PHACTR3: variants seen among roughly 807,000 people sequenced by gnomAD.
PHACTR3 encodes protein phosphatase 1, regulatory subunit 123.
In PHACTR3, 16 loss-of-function variants were observed where a neutral mutation model predicts 66.8. That is an observed-to-expected ratio of 0.24 (90% CI 0.16 to 0.36). The LOEUF (loss-of-function observed/expected upper bound fraction) is 0.36, where lower values mean the gene tolerates loss of function less well. Ranked by LOEUF, PHACTR3 falls within the 10% of genes least tolerant of loss-of-function variation. PHACTR3 has a pLI of 1.00. For missense variants in PHACTR3, 647 were observed against 719.9 expected (o/e 0.90, Z 1.16); for synonymous variants, 323 against 292.1 (o/e 1.11, Z -1.08).
At chr20:59,632,121 T>G (rs1221131413) in intron 1 of PHACTR3, among the ~76,000 whole-genome samples, 1 of 152,188 alleles carries the variant, frequency 6.6e-6, no homozygotes, top group African/African-American at 2.4e-5. Flanking sequence ...CCACATGCCC[T>G]TCATAGGCCA....
chr20:59,650,924 A>T (rs1048672922), intron 1 of PHACTR3, among the ~76,000 whole-genome samples: 2 of 152,008 alleles, frequency 1.3e-5, no homozygotes, highest in African/African-American at 4.8e-5. Context: ...CTTACATTTG[A>T]TCTATAATGT....
intron 1 of PHACTR3, among the ~76,000 whole-genome samples, chr20:59,682,036 G>GA (rs1363707520): frequency 2.0e-5 from 3 of 149,270 alleles, no homozygotes; most frequent in Admixed American, 1.3e-4. Flanking sequence ...AAGAAAGAAA[G>GA]AAAAAAATAA....
intron 1 of PHACTR3, among the ~76,000 whole-genome samples, chr20:59,618,414 C>T (rs181813648): frequency 2.0e-5 from 3 of 152,284 alleles, no homozygotes; most frequent in African/African-American, 7.2e-5. Context: ...CTGGCCACCC[C>T]GGGTGGAAAT....
chr20:59,668,509 T>C (rs1459203061), intron 1 of PHACTR3, among the ~76,000 whole-genome samples: 1 of 152,154 alleles, frequency 6.6e-6, no homozygotes, highest in East Asian at 1.9e-4. Flanking sequence ...AGCTCCTTGC[T>C]CAGATGTCAT....
chr20:59,632,051 A>G (rs2034684368), intron 1 of PHACTR3, among the ~76,000 whole-genome samples: 1 of 152,140 alleles, frequency 6.6e-6, no homozygotes, highest in Non-Finnish European at 1.5e-5. Flanking sequence ...CTTGTGGTGT[A>G]CGGGACGTGT....
At chr20:59,767,429 C>A in intron 5 of PHACTR3, 34 bp downstream of exon 5, 1 of 1,590,412 alleles carries the variant, frequency 6.3e-7, no homozygotes, top group Non-Finnish European at 8.6e-7. Context: ...ATTCTATTTC[C>A]TTTCTCTGCC....
At chr20:59,811,330 T>C (rs1225244694) in intron 8 of PHACTR3, among the ~76,000 whole-genome samples, 1 of 152,196 alleles carries the variant, frequency 6.6e-6, no homozygotes, top group Non-Finnish European at 1.5e-5. Flanking sequence ...GCACCAGGTG[T>C]CTCGGGCAAA....
intron 3 of PHACTR3, among the ~76,000 whole-genome samples, chr20:59,753,380 T>C (rs945692718): frequency 6.6e-6 from 1 of 152,282 alleles, no homozygotes; most frequent in African/African-American, 2.4e-5. Context: ...AGAGGGAATA[T>C]GATCAGCAGC....
At chr20:59,815,730 C>T (rs1001064856) in intron 8 of PHACTR3, among the ~76,000 whole-genome samples, 2 of 152,138 alleles carry the variant, frequency 1.3e-5, no homozygotes, top group African/African-American at 2.4e-5. Context: ...GCTTGGGTTT[C>T]CTGTTTTATA....
At chr20:59,735,688 G>T (rs1277772280) in intron 1 of PHACTR3, among the ~76,000 whole-genome samples, 2 of 152,130 alleles carry the variant, frequency 1.3e-5, no homozygotes, top group Admixed American at 6.5e-5. Context: ...GTTTATTTGG[G>T]CAGCCCCTGG....
chr20:59,787,400 G>A (rs2040949801), intron 7 of PHACTR3, among the ~76,000 whole-genome samples: 1 of 152,188 alleles, frequency 6.6e-6, no homozygotes. Flanking sequence ...GAAGCTCCAG[G>A]GTGGAAGGAA....
chr20:59,615,249 C>T (rs377481389), intron 1 of PHACTR3, among the ~76,000 whole-genome samples: 2 of 152,234 alleles, frequency 1.3e-5, no homozygotes, highest in South Asian at 2.1e-4. Flanking sequence ...CACAGGCATG[C>T]CAAAAACCAC....
rs370066826 is a variant in PHACTR3, at chr20:59,773,445, C to T, written c.918C>T (p.Arg306=). 27 of 1,609,594 alleles carry T rather than the reference C, an allele frequency of 1.7e-5. No individual in the cohort carries two copies. In the African/African-American group the frequency reaches 3.6e-4, roughly 21 times the overall value. Residue 306 remains arginine (R), a synonymous_variant, in exon 6 of 13, where the codon CGC becomes CGT. Coordinates refer to ENST00000371015, the MANE Select transcript of PHACTR3 (RefSeq NM_080672.5). ...ACAGGGCGCTGGCCACGAAGCACCG[C>T]CAGGACAGGTGAGGCCCTGCCCCAT... ...ELHRALATKH[R]QDSFQGRESK... is the part of the protein sequence containing the mutation.
intron 7 of PHACTR3, among the ~76,000 whole-genome samples, chr20:59,778,108 C>A (rs895010212): frequency 6.6e-6 from 1 of 152,200 alleles, no homozygotes; most frequent in Admixed American, 6.5e-5. Flanking sequence ...CCAGCCAACT[C>A]CCTCTTCTCT....
chr20:59,716,051 C>G (rs1300588994), intron 1 of PHACTR3, among the ~76,000 whole-genome samples: 3 of 152,080 alleles, frequency 2.0e-5, no homozygotes, highest in Admixed American at 6.5e-5. Context: ...GCTGTGAGCT[C>G]TGGGTCCCTG....
intron 1 of PHACTR3, among the ~76,000 whole-genome samples, chr20:59,591,449 T>C (rs2033179929): frequency 6.6e-6 from 1 of 152,018 alleles, no homozygotes; most frequent in Admixed American, 6.5e-5. Context: ...ACTTGGTGGG[T>C]ATTTTAGGGT....
chr20:59,626,066 C>A (rs1483864484), intron 1 of PHACTR3, among the ~76,000 whole-genome samples: 2 of 152,142 alleles, frequency 1.3e-5, no homozygotes, highest in African/African-American at 4.8e-5. Context: ...GTGTTCAGAG[C>A]CAGAAATATT....
At chr20:59,840,499 G>A in intron 10 of PHACTR3, 69 bp downstream of exon 10, 2 of 1,596,334 alleles carry the variant, frequency 1.3e-6, no homozygotes. Flanking sequence ...GGTAGCAGGT[G>A]GGATGGGTAA....
chr20:59,824,150 C>T (rs1459902284), intron 8 of PHACTR3, among the ~76,000 whole-genome samples: 2 of 152,178 alleles, frequency 1.3e-5, no homozygotes, highest in Admixed American at 6.5e-5. Flanking sequence ...CAGCTGATCA[C>T]GGCCCTTGGT....
Sources: gnomAD v4.1 joint callset for allele counts (sites outside exome capture counted in the v4.1 genomes callset) on GRCh38, gnomAD v4.1.1 for gene constraint, MANE v1.5 for transcripts, NCBI Gene and HGNC (gene_info 2026-07-23, HGNC 2026-07-21) for gene names.